ADK: variants seen among roughly 807,000 people sequenced by gnomAD.
ADK encodes N6,N6-dimethyladenosine kinase.
In ADK, 24 loss-of-function variants were observed where a neutral mutation model predicts 44.7. That is an observed-to-expected ratio of 0.54 (90% CI 0.39 to 0.76). The LOEUF (loss-of-function observed/expected upper bound fraction) is 0.76. ADK is among the 30% of genes least tolerant of loss of function. ADK has a pLI of 0.00. For synonymous variants in ADK, 128 were observed against 142.6 expected, an observed-to-expected ratio of 0.90 and a Z score of 0.73; for missense variants, 321 against 425.1, an observed-to-expected ratio of 0.76 and a Z score of 2.15.
chr10:74,521,025 T>G (rs1848806965), intron 6 of ADK, among the ~76,000 whole-genome samples: 1 of 152,198 alleles, frequency 6.6e-6, no homozygotes, highest in Non-Finnish European at 1.5e-5. Context: ...GACTTGATTT[T>G]GTTGCAAACC....
chr10:74,635,877 G>T (rs926737909), intron 9 of ADK, among the ~76,000 whole-genome samples: 1 of 150,660 alleles, frequency 6.6e-6, no homozygotes. Flanking sequence ...TGAGGCCAGG[G>T]ATTGGAGACC....
intron 7 of ADK, among the ~76,000 whole-genome samples, chr10:74,572,401 G>A (rs190630698): frequency 0.014 from 2,103 of 152,224 alleles, 61 homozygotes; most frequent in African/African-American, 0.045. Context: ...TTCCCTTTGT[G>A]GGTAACCCGA....
At chr10:74,396,041 A>T (rs530096694) in intron 5 of ADK, among the ~76,000 whole-genome samples, 2 of 152,170 alleles carry the variant, frequency 1.3e-5, no homozygotes, top group Non-Finnish European at 2.9e-5. Context: ...AACAGTTATG[A>T]TAATATTAGA....
At position 74,272,918 on chromosome 10, in the gene ADK, G is replaced by C. The variant is rs572086119; in HGVS notation, c.195-41749G>C. 9.8e-5 allele frequency among the ~76,000 whole-genome samples: 15 copies of C among 152,308 alleles called. 2 individuals are homozygous for C. The highest frequency in any genetic ancestry group is 3.1e-4 in the African/African-American group (13 of 41,578). ...CCTCTCACAAGGTCCTTATACTGCAGATCCTCTCTGCTGCAGATGCTTGGG... is the reference window on the plus strand; with the variant it reads ...CCTCTCACAAGGTCCTTATACTGCACATCCTCTCTGCTGCAGATGCTTGGG... On this transcript the variant is annotated intron_variant, in intron 3 of 10. Transcript: ENST00000539909.
intron 4 of ADK, among the ~76,000 whole-genome samples, chr10:74,317,064 C>G (rs1281586480): frequency 6.6e-6 from 1 of 152,140 alleles, no homozygotes; most frequent in Non-Finnish European, 1.5e-5. Context: ...CAAATTATGT[C>G]AACAAGAAAA....
At chr10:74,638,518 A>G (rs1853703384) in intron 9 of ADK, among the ~76,000 whole-genome samples, 1 of 152,156 alleles carries the variant, frequency 6.6e-6, no homozygotes. Flanking sequence ...TTAGCCAGGC[A>G]TGGTGGCACA....
At chr10:74,347,106 CAAAAAAAAAAAAAA>C (rs58074760) in intron 4 of ADK, among the ~76,000 whole-genome samples, 9 of 92,300 alleles carry the variant, frequency 9.8e-5, no homozygotes, top group East Asian at 4.6e-4. Flanking sequence ...CACTCTGTCT[CAAAAAAAAAAAAAA>C]AAAAAAAAAA....
At chr10:74,248,347 G>A (rs971942277) in intron 3 of ADK, among the ~76,000 whole-genome samples, 13 of 151,902 alleles carry the variant, frequency 8.6e-5, no homozygotes, top group African/African-American at 1.2e-4. Flanking sequence ...GGTTAATTGG[G>A]TTACATGACC....
chr10:74,169,447 C>G (rs1842108703), intron 1 of ADK, among the ~76,000 whole-genome samples: 1 of 151,992 alleles, frequency 6.6e-6, no homozygotes, highest in Non-Finnish European at 1.5e-5. Flanking sequence ...CTTTGAGAGT[C>G]AAAGATTTGT....
intron 6 of ADK, among the ~76,000 whole-genome samples, chr10:74,431,421 A>G (rs2133084391): frequency 1.3e-5 from 2 of 152,300 alleles, no homozygotes; most frequent in South Asian, 4.1e-4. Flanking sequence ...GAATCAGGAT[A>G]AGGGGACTTG....
At chr10:74,414,870 A>T (rs540541985) in intron 6 of ADK, among the ~76,000 whole-genome samples, 1 of 152,300 alleles carries the variant, frequency 6.6e-6, no homozygotes, top group South Asian at 2.1e-4. Context: ...TCCAAATTGG[A>T]GAATGTACTC....
intron 3 of ADK, among the ~76,000 whole-genome samples, chr10:74,286,921 A>T (rs1182585642): frequency 6.6e-6 from 1 of 152,158 alleles, no homozygotes. Flanking sequence ...CCCTGGGCTC[A>T]AGTGATCCTC....
chr10:74,661,857 A>G (rs984538989), intron 9 of ADK, among the ~76,000 whole-genome samples: 1 of 152,216 alleles, frequency 6.6e-6, no homozygotes, highest in African/African-American at 2.4e-5. Context: ...GATATATGCT[A>G]GGTTTCTCTT....
chr10:74,675,058 T>C (rs1264261176), intron 10 of ADK, among the ~76,000 whole-genome samples: 1 of 152,214 alleles, frequency 6.6e-6, no homozygotes, highest in Non-Finnish European at 1.5e-5. Context: ...ATGGTTAATA[T>C]ATTCATCCTG....
At chr10:74,340,609 A>G (rs1841551971) in intron 4 of ADK, among the ~76,000 whole-genome samples, 2 of 152,288 alleles carry the variant, frequency 1.3e-5, no homozygotes, top group Admixed American at 6.5e-5. Flanking sequence ...TTATGTGTTT[A>G]TATATTGACA....
At chr10:74,694,306 C>T (rs1280420267) in intron 10 of ADK, among the ~76,000 whole-genome samples, 1 of 151,420 alleles carries the variant, frequency 6.6e-6, no homozygotes, top group Non-Finnish European at 1.5e-5. Context: ...ATCTGAAAAC[C>T]TTGGGAGGCT....
intron 7 of ADK, among the ~76,000 whole-genome samples, chr10:74,531,338 C>G (rs977979648): frequency 6.6e-6 from 1 of 151,968 alleles, no homozygotes; most frequent in African/African-American, 2.4e-5. Context: ...TCCCTCCTGT[C>G]AATATTATTA....
rs142430629 is a variant in ADK, at chr10:74,696,169, C to T, written c.965-12152C>T. On this transcript the variant is annotated intron_variant, in intron 10 of 10. Coordinates refer to ENST00000539909, the MANE Select transcript of ADK (RefSeq NM_006721.4). ...CCGAATAGCTAGGATTGCAGGCACA[C>T]ACCACCACACCTGGCTAATTTTTGT... 1.3e-3 allele frequency among the ~76,000 whole-genome samples: 202 copies of T among 151,820 alleles called. 1 individual carries two copies. The highest frequency in any genetic ancestry group is 4.7e-3 in the African/African-American group (194 of 41,420).
chr10:74,280,723 A>G (rs1420879677), intron 3 of ADK, among the ~76,000 whole-genome samples: 1 of 152,002 alleles, frequency 6.6e-6, no homozygotes, highest in Non-Finnish European at 1.5e-5. Context: ...TGATCACTGC[A>G]CCTCACTCTG....
Sources: allele counts gnomAD v4.1 joint callset (sites outside exome capture counted in the v4.1 genomes callset), GRCh38; gene constraint gnomAD v4.1.1; transcripts MANE v1.5; gene names NCBI Gene and HGNC (gene_info 2026-07-23, HGNC 2026-07-21).